PLCL1: variants seen among roughly 807,000 people sequenced by gnomAD.
PLCL1 encodes the protein inactive phospholipase C-like protein 1.
In PLCL1, 41 loss-of-function variants were observed where a neutral mutation model predicts 84.4. That is an observed-to-expected ratio of 0.49 (90% CI 0.38 to 0.63). PLCL1 has a LOEUF of 0.63. PLCL1 is among the 30% of genes least tolerant of loss of function. PLCL1 has a pLI of 0.00. For missense variants in PLCL1, 1,206 were observed against 1,367.8 expected (o/e 0.88, Z 1.87); for synonymous variants, 490 against 488.3 (o/e 1.00, Z -0.05).
At chr2:197,931,708 C>A (rs973405356) in intron 1 of PLCL1, among the ~76,000 whole-genome samples, 2 of 143,496 alleles carry the variant, frequency 1.4e-5, no homozygotes, top group Non-Finnish European at 1.5e-5. Context: ...ACCCAACCAT[C>A]CAATCACCCA....
chr2:197,957,023 T>A (rs561693126), intron 1 of PLCL1, among the ~76,000 whole-genome samples: 2 of 152,108 alleles, frequency 1.3e-5, no homozygotes, highest in Admixed American at 1.3e-4. Flanking sequence ...TACTTGGTTA[T>A]TCTCTGTTTT....
intron 1 of PLCL1, among the ~76,000 whole-genome samples, chr2:197,829,550 G>A (rs775176867): frequency 1.3e-5 from 2 of 151,904 alleles, no homozygotes; most frequent in African/African-American, 4.8e-5. Context: ...TTTAAAAGAG[G>A]CATTTTTGAT....
chr2:198,023,927 A>G (rs865911689), intron 1 of PLCL1, among the ~76,000 whole-genome samples: 2 of 152,208 alleles, frequency 1.3e-5, no homozygotes, highest in Non-Finnish European at 2.9e-5. Context: ...AAATCATTCT[A>G]CTATAAAGAC....
At chr2:198,022,087 A>G (rs1691146236) in intron 1 of PLCL1, among the ~76,000 whole-genome samples, 1 of 152,202 alleles carries the variant, frequency 6.6e-6, no homozygotes, top group South Asian at 2.1e-4. Context: ...AACATACACA[A>G]ATCAATTAAC....
At chr2:197,880,478 C>G (rs1311094424) in intron 1 of PLCL1, among the ~76,000 whole-genome samples, 4 of 151,976 alleles carry the variant, frequency 2.6e-5, no homozygotes, top group African/African-American at 9.7e-5. Context: ...TTGATAACTG[C>G]TTTTTTACTT....
At chr2:197,808,489 C>T (rs1360868384) in intron 1 of PLCL1, among the ~76,000 whole-genome samples, 1 of 151,934 alleles carries the variant, frequency 6.6e-6, no homozygotes, top group Non-Finnish European at 1.5e-5. Context: ...TGGTTTGTTC[C>T]CTTTAGCATA....
intron 1 of PLCL1, among the ~76,000 whole-genome samples, chr2:197,841,133 T>G (rs1686992249): frequency 6.6e-6 from 1 of 152,116 alleles, no homozygotes; most frequent in Non-Finnish European, 1.5e-5. Context: ...AATTAATGTC[T>G]TGCATTAGTG....
At chr2:198,001,105 T>C (rs1690590517) in intron 1 of PLCL1, among the ~76,000 whole-genome samples, 2 of 152,260 alleles carry the variant, frequency 1.3e-5, no homozygotes, top group South Asian at 4.1e-4. Context: ...TGGGGTTGTT[T>C]AGAGGGTAAA....
chr2:198,004,233 C>A (rs2105823579), intron 1 of PLCL1, among the ~76,000 whole-genome samples: 1 of 152,104 alleles, frequency 6.6e-6, no homozygotes, highest in Middle Eastern at 3.4e-3. Flanking sequence ...AGATCTTAAA[C>A]ACTTGGTTCA....
intron 2 of PLCL1, among the ~76,000 whole-genome samples, chr2:198,088,219 G>A (rs1574302952): frequency 6.6e-6 from 1 of 152,130 alleles, no homozygotes; most frequent in African/African-American, 2.4e-5. Context: ...AAGTCTTTGG[G>A]GTTAAGGATT....
intron 1 of PLCL1, among the ~76,000 whole-genome samples, chr2:197,866,003 C>T (rs1435567452): frequency 1.2e-5 from 1 of 80,996 alleles, no homozygotes; most frequent in Non-Finnish European, 2.2e-5. Flanking sequence ...GAGTGAGAAC[C>T]TATCTCCAAA....
intron 1 of PLCL1, among the ~76,000 whole-genome samples, chr2:197,994,448 GA>G (rs1386032938): frequency 1.3e-5 from 2 of 152,084 alleles, no homozygotes; most frequent in East Asian, 3.8e-4. Context: ...ACATTTTTAA[GA>G]AAGTCATCTG....
rs1157524634 is a variant in PLCL1, at chr2:197,937,797, T to C, written c.240+132458T>C. 2.6e-5 allele frequency among the ~76,000 whole-genome samples: 4 copies of C among 152,284 alleles called. No individual in the cohort carries two copies. The East Asian group carries it at 7.7e-4, about 29-fold the overall frequency. ...TGCTTTACAAAAGGATTAAAAGAAC[T>C]TACGGTCCATTAGTGCCAAAGAGAA... On this transcript the variant is annotated intron_variant, in intron 1 of 5. Transcript: ENST00000428675.
chr2:197,811,070 T>C (rs1690577347), intron 1 of PLCL1, among the ~76,000 whole-genome samples: 1 of 152,240 alleles, frequency 6.6e-6, no homozygotes, highest in African/African-American at 2.4e-5. Context: ...TTTAATAATG[T>C]AAAAGAGGTT....
intron 1 of PLCL1, among the ~76,000 whole-genome samples, chr2:197,918,119 A>G (rs1350812616): frequency 6.6e-6 from 1 of 152,210 alleles, no homozygotes; most frequent in Non-Finnish European, 1.5e-5. Context: ...ATACATACAT[A>G]TTTATCACTT....
chr2:198,095,914 G>A (rs1026140262), intron 3 of PLCL1, among the ~76,000 whole-genome samples: 7 of 152,158 alleles, frequency 4.6e-5, no homozygotes, highest in Non-Finnish European at 8.8e-5. Flanking sequence ...ATGATAGAAC[G>A]AATGACAGTT....
intron 1 of PLCL1, among the ~76,000 whole-genome samples, chr2:197,814,621 G>A (rs191285207): frequency 4.6e-5 from 7 of 152,256 alleles, no homozygotes; most frequent in Non-Finnish European, 8.8e-5. Context: ...AAATGATTAA[G>A]CTTAGTAAGG....
chr2:197,915,635 T>C (rs1323769419), intron 1 of PLCL1, among the ~76,000 whole-genome samples: 1 of 151,884 alleles, frequency 6.6e-6, no homozygotes, highest in East Asian at 1.9e-4. Context: ...CATGTGCTCC[T>C]TTCACAGAAG....
chr2:197,946,000 A>G (rs79170559), intron 1 of PLCL1, among the ~76,000 whole-genome samples: 3,205 of 152,296 alleles, frequency 0.021, 142 homozygotes, highest in African/African-American at 0.072. Flanking sequence ...TTTAACAAAT[A>G]TAAATTTAAT....
Sources: allele counts gnomAD v4.1 joint callset (sites outside exome capture counted in the v4.1 genomes callset), GRCh38; gene constraint gnomAD v4.1.1; transcripts MANE v1.5; gene names NCBI Gene and HGNC (gene_info 2026-07-23, HGNC 2026-07-21).